Variants in PARD3B observed in about 807,000 individuals in gnomAD.
The protein encoded by PARD3B is partitioning defective 3 homolog B.
A neutral mutation model predicts 130.2 loss-of-function variants in PARD3B; 103 were observed. The observed-to-expected ratio is 0.79, with a 90% CI of 0.67 to 0.93. The LOEUF (loss-of-function observed/expected upper bound fraction) is 0.93. Among genes scored for constraint, PARD3B ranks in the 40% least tolerant of loss-of-function variants. The probability of loss-of-function intolerance (pLI) is 0.00; values close to 1 mark genes in which losing one functional copy is unlikely to be tolerated. For synonymous variants in PARD3B, 583 were observed against 553.2 expected, an observed-to-expected ratio of 1.05 and a Z score of -0.76; for missense variants, 1,609 against 1,499.2, an observed-to-expected ratio of 1.07 and a Z score of -1.21.
Position 205,510,810 on chromosome 2 carries a change from G to A in PARD3B, c.3180+10779G>A, listed in dbSNP as rs185342786. On this transcript the variant is annotated intron_variant, in intron 21 of 22. Coordinates refer to ENST00000406610, the MANE Select transcript of PARD3B (RefSeq NM_001302769.2). ...CAATAAATTATACTACAACCAGATC[G>A]TTAATAAAAATGGCATCATTTACTC... 9.2e-5 allele frequency among the ~76,000 whole-genome samples: 14 copies of A among 152,176 alleles called. No homozygotes were observed. The East Asian group carries it at 1.4e-3, about 15-fold the overall frequency.
At chr2:205,469,942 TA>T (rs1330223608) in intron 20 of PARD3B, among the ~76,000 whole-genome samples, 1 of 152,230 alleles carries the variant, frequency 6.6e-6, no homozygotes, top group Non-Finnish European at 1.5e-5. Context: ...ACCTTGAATA[TA>T]ATTTGTAAGT....
rs1392124236 is a variant in PARD3B, at chr2:205,301,547, G to A, written c.2476G>A (p.Asp826Asn). The change falls in exon 18 of 23, where the codon GAC (aspartate) becomes AAC (asparagine). Residue 826 changes from aspartate to asparagine, a missense_variant. Coordinates refer to ENST00000406610, the MANE Select transcript of PARD3B (RefSeq NM_001302769.2). This position sits in a 1 kb window ranked among gnomAD's most constrained non-coding sequence, Gnocchi z 5.2. ...SAPQGNSELEDMENKARKVKK... is the reference protein window; with the variant it reads ...SAPQGNSELENMENKARKVKK... The stretch of plus-strand genomic sequence containing the variant: ...CCCTCAGGGGAATTCGGAGCTAGAG[G>A]ACATGGAAAATAAAGCCAGGAAAGT... The A allele has an allele frequency of 2.5e-6, 4 of 1,613,844 alleles. No individual in the cohort carries two copies. Among genetic ancestry groups the A allele is most frequent in the East Asian group, 2.2e-5 (1 of 44,864 alleles).
At chr2:205,189,666 A>T (rs968348355) in intron 14 of PARD3B, among the ~76,000 whole-genome samples, 1 of 152,220 alleles carries the variant, frequency 6.6e-6, no homozygotes, top group Non-Finnish European at 1.5e-5. Context: ...TAAAGTTACA[A>T]ACCGTTTTAC....
At chr2:204,634,835 G>T (rs1399761905) in intron 1 of PARD3B, among the ~76,000 whole-genome samples, 2 of 152,048 alleles carry the variant, frequency 1.3e-5, no homozygotes, top group African/African-American at 4.8e-5. Context: ...TTCATTGGGG[G>T]CTCACAAGAT....
chr2:204,734,146 A>G (rs1036491863), intron 2 of PARD3B, among the ~76,000 whole-genome samples: 15 of 152,170 alleles, frequency 9.9e-5, no homozygotes, highest in African/African-American at 3.1e-4. Flanking sequence ...AAAGATAGAC[A>G]CATAAATATA....
chr2:204,553,537 GGTGT>G (rs36193401), intron 1 of PARD3B, among the ~76,000 whole-genome samples: 91 of 135,972 alleles, frequency 6.7e-4, no homozygotes, highest in Middle Eastern at 7.4e-3. Flanking sequence ...GAATCTGTGG[GGTGT>G]GTGTGTGTGT....
intron 2 of PARD3B, among the ~76,000 whole-genome samples, chr2:204,947,132 C>G (rs904703666): frequency 6.6e-6 from 1 of 152,098 alleles, no homozygotes; most frequent in South Asian, 2.1e-4. Flanking sequence ...ATCTGGGCAC[C>G]CTGTGGCTCA....
At chr2:205,361,500 C>T (rs1221122311) in intron 18 of PARD3B, among the ~76,000 whole-genome samples, 1 of 152,160 alleles carries the variant, frequency 6.6e-6, no homozygotes, top group Admixed American at 6.5e-5. Context: ...AGCAGAATAC[C>T]TCATTTCTAA....
At chr2:204,653,174 G>A (rs1234866768) in intron 1 of PARD3B, among the ~76,000 whole-genome samples, 1 of 150,542 alleles carries the variant, frequency 6.6e-6, no homozygotes, top group Admixed American at 6.6e-5. Flanking sequence ...TGAGTACTAG[G>A]ATTAGTACCT....
chr2:204,714,896 A>C (rs1354998905), intron 2 of PARD3B, among the ~76,000 whole-genome samples: 1 of 152,192 alleles, frequency 6.6e-6, no homozygotes. Context: ...ATTTTAAGCT[A>C]TACAACAGAA....
In PARD3B at chr2:204,759,353, G is replaced by A. The variant is rs73986206; in HGVS notation, c.222+73071G>A. Among the ~76,000 whole-genome samples, 1,396 of 152,084 alleles carry A rather than the reference G, an allele frequency of 9.2e-3. 18 individuals carry two copies. The highest frequency in any genetic ancestry group is 0.031 in the African/African-American group (1,272 of 41,488). On this transcript the variant is annotated intron_variant, in intron 2 of 22. Transcript: ENST00000406610. ...TAAAAAGGAAATCTCTTTCCATGGCGCACCCACAGTTTCATTCCATGGAGG... is the reference window on the plus strand; with the variant it reads ...TAAAAAGGAAATCTCTTTCCATGGCACACCCACAGTTTCATTCCATGGAGG...
chr2:204,764,337 G>T (rs916939090), intron 2 of PARD3B, among the ~76,000 whole-genome samples: 5 of 152,124 alleles, frequency 3.3e-5, no homozygotes, highest in Non-Finnish European at 7.4e-5. Context: ...GTCAGGGGAT[G>T]GAATTTTCCA....
intron 15 of PARD3B, among the ~76,000 whole-genome samples, chr2:205,224,385 A>AAAAAAAAAAAAAAAG (rs1164513653): frequency 1.2e-4 from 17 of 147,584 alleles, no homozygotes; most frequent in African/African-American, 4.0e-4. Context: ...AAAAAAAAAA[A>AAAAAAAAAAAAAAAG]AAAGAAAGAA....
intron 10 of PARD3B, among the ~76,000 whole-genome samples, chr2:205,151,508 A>G (rs1007677285): frequency 3.3e-5 from 5 of 152,172 alleles, no homozygotes; most frequent in Non-Finnish European, 7.3e-5. Flanking sequence ...TCCCTTTACC[A>G]TTATGTAATG....
rs114029186 is a variant in PARD3B, at chr2:204,684,192, G to A, written c.121-1989G>A. On this transcript the variant is annotated intron_variant, in intron 1 of 22. Transcript: ENST00000406610. Reference sequence around the variant, plus strand: ...TGAAGGATGATTATTTACCTCCATCGTAGGTGATAAAATCTGCTTTTACAA... The same window carrying A: ...TGAAGGATGATTATTTACCTCCATCATAGGTGATAAAATCTGCTTTTACAA... Among the ~76,000 whole-genome samples, 535 of 152,216 alleles carry A rather than the reference G, an allele frequency of 3.5e-3. 5 individuals carry two copies. The highest frequency in any genetic ancestry group is 0.012 in the African/African-American group (503 of 41,532).
chr2:204,736,441 C>G (rs1208668745), intron 2 of PARD3B, among the ~76,000 whole-genome samples: 5 of 152,016 alleles, frequency 3.3e-5, no homozygotes, highest in Admixed American at 1.3e-4. Flanking sequence ...TCCTCCTCCT[C>G]CTGAGTCTCT....
At chr2:204,953,428 G>C (rs879743908) in intron 2 of PARD3B, among the ~76,000 whole-genome samples, 1,063 of 32,448 alleles carry the variant, frequency 0.033, 14 homozygotes, top group Non-Finnish European at 0.038. Context: ...CACAGAGAGA[G>C]AGAGAGAGAG....
intron 1 of PARD3B, among the ~76,000 whole-genome samples, chr2:204,587,388 A>G (rs960158424): frequency 2.6e-5 from 4 of 152,332 alleles, no homozygotes; most frequent in South Asian, 2.1e-4. Context: ...AATTACTTTC[A>G]GCGGGATTTT....
intron 2 of PARD3B, among the ~76,000 whole-genome samples, chr2:204,821,910 G>A (rs944300718): frequency 3.3e-5 from 5 of 151,848 alleles, no homozygotes; most frequent in Non-Finnish European, 2.9e-5. Context: ...TATCAGCAGC[G>A]TGAAAACAAA....
Sources: gnomAD v4.1 joint callset for allele counts (sites outside exome capture counted in the v4.1 genomes callset) on GRCh38, gnomAD v4.1.1 for gene constraint, Gnocchi (gnomAD v3.1) non-coding constraint, MANE v1.5 for transcripts, NCBI Gene and HGNC (gene_info 2026-07-23, HGNC 2026-07-21) for gene names.